FARSB: variants seen among roughly 807,000 people sequenced by gnomAD.
FARSB encodes phenylalanyl-tRNA synthetase subunit beta.
Under a neutral mutation model 69.6 loss-of-function variants are expected in FARSB, and 40 were observed. That is an observed-to-expected ratio of 0.57 (90% CI 0.45 to 0.75). The LOEUF is 0.75. Among genes scored for constraint, FARSB ranks in the 30% least tolerant of loss-of-function variants. The pLI is 0.00. For missense variants in FARSB, 632 were observed against 722.9 expected, an observed-to-expected ratio of 0.87 and a Z score of 1.44; for synonymous variants, 235 against 247.2, an observed-to-expected ratio of 0.95 and a Z score of 0.46.
intron 8 of FARSB, 76 bp downstream of exon 8, chr2:222,631,528 T>C: frequency 3.8e-6 from 3 of 796,708 alleles, no homozygotes; most frequent in Non-Finnish European, 6.6e-6. Flanking sequence ...TTTTAAATTT[T>C]AGCCACTTAG....
At chr2:222,611,314 T>C (rs762635486) in intron 15 of FARSB, among the ~76,000 whole-genome samples, 9 of 152,054 alleles carry the variant, frequency 5.9e-5, no homozygotes, top group Non-Finnish European at 1.0e-4. Context: ...CCTACAGAAA[T>C]AGAACTATCC....
intron 1 of FARSB, among the ~76,000 whole-genome samples, chr2:222,650,097 C>T (rs1473920467): frequency 6.6e-6 from 1 of 152,178 alleles, no homozygotes; most frequent in African/African-American, 2.4e-5. Context: ...TAATCAGTTT[C>T]TCTTATGGTC....
intron 2 of FARSB, among the ~76,000 whole-genome samples, chr2:222,643,950 G>A (rs1487767708): frequency 6.6e-6 from 1 of 152,150 alleles, no homozygotes; most frequent in East Asian, 1.9e-4. Flanking sequence ...ATATATTTAA[G>A]AAATTTTCAC....
chr2:222,619,499 TA>T (rs1691087658), intron 14 of FARSB, 145 bp downstream of exon 14: 3 of 559,020 alleles, frequency 5.4e-6, no homozygotes, highest in African/African-American at 1.9e-5. Flanking sequence ...AAGCACGTAA[TA>T]ACCAACTATA....
intron 15 of FARSB, among the ~76,000 whole-genome samples, chr2:222,604,681 G>C (rs1690654051): frequency 6.6e-6 from 1 of 150,466 alleles, no homozygotes; most frequent in African/African-American, 2.4e-5. Context: ...TCAGCCTCCT[G>C]AGTAGCTGGG....
intron 14 of FARSB, among the ~76,000 whole-genome samples, chr2:222,619,319 TAAA>T (rs35884135): frequency 4.8e-4 from 60 of 124,052 alleles, no homozygotes; most frequent in Non-Finnish European, 4.3e-4. Flanking sequence ...AAATAAAAAT[TAAA>T]AAAAAAAAAA....
At chr2:222,608,136 T>C (rs1286153170) in intron 15 of FARSB, among the ~76,000 whole-genome samples, 2 of 152,178 alleles carry the variant, frequency 1.3e-5, no homozygotes, top group East Asian at 3.9e-4. Flanking sequence ...ATTGTTAATG[T>C]CGATGCTCCT....
chr2:222,655,929 G>C, intron 1 of FARSB, 87 bp downstream of exon 1: 3 of 1,089,216 alleles, frequency 2.8e-6, no homozygotes, highest in Non-Finnish European at 4.1e-6. Flanking sequence ...CTTCAGGAAG[G>C]CATGAATGTC....
intron 9 of FARSB, 85 bp from the exon 10 acceptor site, chr2:222,628,973 T>C (rs1691346792): frequency 1.0e-6 from 1 of 953,040 alleles, no homozygotes; most frequent in African/African-American, 1.6e-5. Flanking sequence ...AAATCTTTCA[T>C]TTGGGCTACA....
chr2:222,621,933 C>T (rs1246091143), intron 13 of FARSB, among the ~76,000 whole-genome samples: 1 of 152,174 alleles, frequency 6.6e-6, no homozygotes, highest in Non-Finnish European at 1.5e-5. Flanking sequence ...CTTTCTCTTC[C>T]CCCCAGTGAT....
At chr2:222,591,437 TATCA>T (rs1463950297) in intron 16 of FARSB, among the ~76,000 whole-genome samples, 3 of 152,210 alleles carry the variant, frequency 2.0e-5, no homozygotes, top group African/African-American at 4.8e-5. Context: ...GCTAGACAGA[TATCA>T]ATCACTTTTC....
chr2:222,575,445 TAAAATTCAAATTCTATAAAGTAC>T (rs2106174723), intron 16 of FARSB, among the ~76,000 whole-genome samples: 1 of 152,358 alleles, frequency 6.6e-6, no homozygotes, highest in East Asian at 1.9e-4. Flanking sequence ...ATGGGAATTC[TAAAATTCAAATTCTATAAAGTAC>T]ATTAGTTTTC....
intron 2 of FARSB, among the ~76,000 whole-genome samples, chr2:222,647,063 C>T (rs1373139764): frequency 2.0e-5 from 3 of 152,236 alleles, no homozygotes; most frequent in Admixed American, 2.0e-4. Flanking sequence ...GCCTCTTCCT[C>T]TTGCTTCTTA....
At chr2:222,613,373 C>T (rs571331968) in intron 15 of FARSB, among the ~76,000 whole-genome samples, 5 of 152,134 alleles carry the variant, frequency 3.3e-5, no homozygotes, top group East Asian at 3.9e-4. Context: ...GGTGAAACAC[C>T]GTCTCTACTA....
chr2:222,604,180 T>C (rs906525308), intron 15 of FARSB, among the ~76,000 whole-genome samples: 2 of 149,518 alleles, frequency 1.3e-5, no homozygotes, highest in South Asian at 2.1e-4. Flanking sequence ...ATCACGCCAC[T>C]GCACTCCAGC....
intron 13 of FARSB, among the ~76,000 whole-genome samples, chr2:222,622,762 C>T (rs1292370551): frequency 6.6e-6 from 1 of 152,142 alleles, no homozygotes; most frequent in African/African-American, 2.4e-5. Context: ...CAGCAGTTCT[C>T]CTGCTGTCCG....
At chr2:222,652,415 T>G (rs146338502) in intron 1 of FARSB, among the ~76,000 whole-genome samples, 1 of 152,284 alleles carries the variant, frequency 6.6e-6, no homozygotes, top group East Asian at 1.9e-4. Context: ...TTCCACATTG[T>G]GCTAGGATTG....
In FARSB at chr2:222,569,859, A is replaced by G. The variant is rs937912684; in HGVS notation, c.*2012T>C. On this transcript the variant is annotated 3_prime_UTR_variant, in exon 17 of 17. Transcript: ENST00000281828. ...GGATATACTGCAATTTGTAACTACTATAAGTAACACTGTGAACACTTGCAT... is the reference window on the plus strand; with the variant it reads ...GGATATACTGCAATTTGTAACTACTGTAAGTAACACTGTGAACACTTGCAT... The G allele has an allele frequency of 2.0e-5, 3 of 152,212 alleles. No homozygotes were observed. Among genetic ancestry groups the G allele is most frequent in the Non-Finnish European group, 2.9e-5 (2 of 68,030 alleles). The allele number at this position is 152,212 out of a possible 1,614,324, so 9.4% of individuals were successfully genotyped here. A position where few individuals can be genotyped will look rare whatever the true frequency, so the allele number is the denominator to read the frequency against.
At chr2:222,641,088 C>CAA (rs373323685) in intron 3 of FARSB, among the ~76,000 whole-genome samples, 157 bp from the exon 4 acceptor site, 26 of 133,510 alleles carry the variant, frequency 1.9e-4, no homozygotes, top group African/African-American at 6.0e-4. Flanking sequence ...AAAAAAAAAA[C>CAA]AAAAAAAAAA....
Sources: allele counts gnomAD v4.1 joint callset (sites outside exome capture counted in the v4.1 genomes callset), GRCh38; gene constraint gnomAD v4.1.1; transcripts MANE v1.5; gene names NCBI Gene and HGNC (gene_info 2026-07-23, HGNC 2026-07-21).